Variants in NR5A2 observed in about 807,000 individuals in gnomAD.
The protein encoded by NR5A2 is CYP7A promoter-binding factor.
In NR5A2, 26 loss-of-function variants were observed where a neutral mutation model predicts 62.7. The observed-to-expected ratio is 0.41, with a 90% CI of 0.30 to 0.58. The LOEUF (loss-of-function observed/expected upper bound fraction) is 0.58, where lower values mean the gene tolerates loss of function less well. Among genes scored for constraint, NR5A2 ranks in the 20% least tolerant of loss-of-function variants. NR5A2 has a pLI of 0.22. For missense variants in NR5A2, 541 were observed against 669.1 expected (o/e 0.81, Z 2.11); for synonymous variants, 246 against 241.7 (o/e 1.02, Z -0.16).
chr1:200,079,443 G>T (rs1664189032), intron 5 of NR5A2, among the ~76,000 whole-genome samples: 1 of 152,230 alleles, frequency 6.6e-6, no homozygotes, highest in South Asian at 2.1e-4. Flanking sequence ...ATCAAGGGCA[G>T]GGTCTCATCC....
intron 7 of NR5A2, among the ~76,000 whole-genome samples, chr1:200,132,437 T>C (rs1667007560): frequency 6.6e-6 from 1 of 152,232 alleles, no homozygotes; most frequent in African/African-American, 2.4e-5. Flanking sequence ...AAACATGCCA[T>C]GCCATCAGCA....
At chr1:200,064,420 C>G (rs567497453) in intron 5 of NR5A2, among the ~76,000 whole-genome samples, 1 of 152,116 alleles carries the variant, frequency 6.6e-6, no homozygotes, top group Non-Finnish European at 1.5e-5. Flanking sequence ...GGGTTCAGGG[C>G]GGCATCACTA....
At chr1:200,141,887 G>A (rs1174044748) in intron 7 of NR5A2, among the ~76,000 whole-genome samples, 3 of 152,126 alleles carry the variant, frequency 2.0e-5, no homozygotes, top group African/African-American at 7.2e-5. Flanking sequence ...TATTGCCAGT[G>A]TCTTATATAC....
At chr1:200,091,730 G>A (rs1044446789) in intron 5 of NR5A2, among the ~76,000 whole-genome samples, 2 of 152,018 alleles carry the variant, frequency 1.3e-5, no homozygotes, top group African/African-American at 2.4e-5. Flanking sequence ...TGATCCACTC[G>A]CCTCAGCCTC....
At chr1:200,072,847 T>C (rs1289325052) in intron 5 of NR5A2, among the ~76,000 whole-genome samples, 4 of 152,164 alleles carry the variant, frequency 2.6e-5, no homozygotes, top group Non-Finnish European at 4.4e-5. Context: ...TCCATGAGCC[T>C]TGTATTCCAT....
At chr1:200,097,586 A>T (rs1356504843) in intron 5 of NR5A2, among the ~76,000 whole-genome samples, 1 of 152,230 alleles carries the variant, frequency 6.6e-6, no homozygotes, top group Non-Finnish European at 1.5e-5. Context: ...ATCTTTCATC[A>T]TTATATTCAG....
At chr1:200,114,341 GAAA>G (rs956559043) in intron 6 of NR5A2, among the ~76,000 whole-genome samples, 2 of 144,182 alleles carry the variant, frequency 1.4e-5, no homozygotes, top group African/African-American at 5.8e-5. Context: ...AGAAAAAAAA[GAAA>G]AAAAGAACTG....
At chr1:200,166,613 T>C (rs966675878) in intron 7 of NR5A2, among the ~76,000 whole-genome samples, 3 of 151,924 alleles carry the variant, frequency 2.0e-5, no homozygotes, top group African/African-American at 4.8e-5. Context: ...ATTGACACAA[T>C]AGGGGAAAAA....
chr1:200,070,911 G>A (rs888674518), intron 5 of NR5A2, among the ~76,000 whole-genome samples: 13 of 152,158 alleles, frequency 8.5e-5, no homozygotes, highest in African/African-American at 3.1e-4. Context: ...AGGTAAAAGG[G>A]AGAATTCTGG....
chr1:200,162,049 G>A (rs916252518), intron 7 of NR5A2, among the ~76,000 whole-genome samples: 1 of 152,194 alleles, frequency 6.6e-6, no homozygotes, highest in Non-Finnish European at 1.5e-5. Context: ...TGTGGAAGAT[G>A]TTCCACAGAC....
chr1:200,089,572 C>T (rs994210561), intron 5 of NR5A2, among the ~76,000 whole-genome samples: 1 of 152,214 alleles, frequency 6.6e-6, no homozygotes, highest in Non-Finnish European at 1.5e-5. Context: ...CAGGTTCAAG[C>T]TACTCTTGTG....
chr1:200,087,000 C>G (rs1412334384), intron 5 of NR5A2, among the ~76,000 whole-genome samples: 3 of 152,124 alleles, frequency 2.0e-5, no homozygotes, highest in Admixed American at 6.6e-5. Flanking sequence ...GATGGTGCCA[C>G]TGCACTCCAG....
At chr1:200,054,210 A>G (rs529668366) in intron 5 of NR5A2, 2 of 152,130 alleles carry the variant, frequency 1.3e-5, no homozygotes, top group Non-Finnish European at 2.9e-5. Flanking sequence ...CCACTAATAA[A>G]ATTTTCTGAT....
chr1:200,051,266 G>A (rs1662617678), intron 5 of NR5A2, among the ~76,000 whole-genome samples: 1 of 148,336 alleles, frequency 6.7e-6, no homozygotes, highest in Non-Finnish European at 1.5e-5. Flanking sequence ...AAGAAATAAT[G>A]CATATTATTT....
chr1:200,073,268 T>TTATATATATATATATATATATATATA (rs371537456), intron 5 of NR5A2, among the ~76,000 whole-genome samples: 3 of 111,208 alleles, frequency 2.7e-5, no homozygotes, highest in African/African-American at 1.1e-4. Context: ...ATATTCCCCT[T>TTATATATATATATATATATATATATA]TATATATATA....
chr1:200,170,197 A>G (rs984769835), intron 7 of NR5A2, among the ~76,000 whole-genome samples: 3 of 152,164 alleles, frequency 2.0e-5, no homozygotes, highest in African/African-American at 7.2e-5. Flanking sequence ...GCCAGCTACT[A>G]TCCATTACTT....
intron 7 of NR5A2, among the ~76,000 whole-genome samples, chr1:200,143,555 C>T (rs756899576): frequency 1.1e-4 from 17 of 151,856 alleles, no homozygotes; most frequent in African/African-American, 4.1e-4. Flanking sequence ...TTGCCACATG[C>T]ATGGTTGCCA....
chr1:200,095,921 A>G (rs2102263999), intron 5 of NR5A2, among the ~76,000 whole-genome samples: 1 of 152,244 alleles, frequency 6.6e-6, no homozygotes, highest in African/African-American at 2.4e-5. Flanking sequence ...AATAATAGGA[A>G]AAGTACTACT....
chr1:200,117,983 G>A (rs1192591811), intron 6 of NR5A2, among the ~76,000 whole-genome samples: 1 of 150,176 alleles, frequency 6.7e-6, no homozygotes, highest in African/African-American at 2.5e-5. Context: ...CAAAGTGCTG[G>A]GATTAGAGGC....
Sources: gnomAD v4.1 joint callset for allele counts (sites outside exome capture counted in the v4.1 genomes callset) on GRCh38, gnomAD v4.1.1 for gene constraint, MANE v1.5 for transcripts, NCBI Gene and HGNC (gene_info 2026-07-23, HGNC 2026-07-21) for gene names.